ZNF653: variants seen among roughly 807,000 people sequenced by gnomAD.
ZNF653 encodes the protein 67 kDa zinc finger protein.
Under a neutral mutation model 59.9 loss-of-function variants are expected in ZNF653, and 37 were observed. That is an observed-to-expected ratio of 0.62 (90% CI 0.48 to 0.81). The LOEUF (loss-of-function observed/expected upper bound fraction) is 0.81. Ranked by LOEUF, ZNF653 falls within the 40% of genes least tolerant of loss-of-function variation. The pLI is 0.00. For synonymous variants in ZNF653, 435 were observed against 371.8 expected (o/e 1.17, Z -1.96); for missense variants, 808 against 881.1 (o/e 0.92, Z 1.05).
At chr19:11,496,978 T>C (rs1171948950) in intron 2 of ZNF653, among the ~76,000 whole-genome samples, 1 of 152,234 alleles carries the variant, frequency 6.6e-6, no homozygotes, top group Non-Finnish European at 1.5e-5. Flanking sequence ...CATGGCCTCC[T>C]CGCTGTTCCT....
Position 11,487,156 on chromosome 19 carries a change from T to G in ZNF653, c.1174A>C (p.Lys392Gln), listed in dbSNP as rs760111006. Residue 392 changes from lysine (K) to glutamine (Q), a missense_variant and splice_region_variant, in exon 5 of 9, where the codon AAG (lysine) becomes CAG (glutamine). Transcript: ENST00000293771. This position sits in a 1 kb window ranked among gnomAD's most constrained non-coding sequence, Gnocchi z 5.1. ...TTCTTTAGCAAGCACAGGTCCTCCT[T>G]CTCTACAGGGTGGACACAGGGTGGT... ...AVAGIETKKE[K>Q]EDLCLLKKEE... 5 of 1,610,882 alleles carry G rather than the reference T, an allele frequency of 3.1e-6. No individual in the cohort carries two copies. In the South Asian group the frequency reaches 5.5e-5, roughly 18 times the overall value.
chr19:11,485,224 G>A (rs118038330), intron 7 of ZNF653, among the ~76,000 whole-genome samples: 1,981 of 152,092 alleles, frequency 0.013, 22 homozygotes, highest in Non-Finnish European at 0.022. Context: ...GCCACAAGTG[G>A]AAACAGAAGC....
At chr19:11,492,726 C>T (rs923776412) in intron 3 of ZNF653, among the ~76,000 whole-genome samples, 14 of 152,156 alleles carry the variant, frequency 9.2e-5, no homozygotes, top group South Asian at 6.2e-4. Flanking sequence ...TGCGGGGTCC[C>T]GGTGCAGAGC....
In ZNF653 at chr19:11,505,776, C is replaced by A. The variant is rs866665171; in HGVS notation, c.11G>T (p.Arg4Leu). The A allele has an allele frequency of 4.0e-5, 56 of 1,408,916 alleles. 1 individual carries two copies. The Middle Eastern group carries it at 3.3e-3, about 84-fold the overall frequency. The allele number at this position is 1,408,916 out of a possible 1,614,324, so 87.3% of individuals were successfully genotyped here. A position where few individuals can be genotyped will look rare whatever the true frequency, so the allele number is the denominator to read the frequency against. ...CGCCTCCGCCTCGGGCTCTAGCGCC[C>A]GCTCCGCCATCCCCCCCACCCTGGT... MAE[R>L]ALEPEAEAEA... Residue 4 changes from arginine to leucine, a missense_variant, in exon 1 of 9, where the codon CGG (arginine) becomes CTG (leucine). By Grantham distance (102) the Arg-to-Leu change is moderately radical (BLOSUM62 -2). Coordinates refer to ENST00000293771, the MANE Select transcript of ZNF653 (RefSeq NM_138783.4).
chr19:11,483,903 G>C, intron 8 of ZNF653, 44 bp from the exon 9 acceptor site: 1 of 1,506,148 alleles, frequency 6.6e-7, no homozygotes, highest in Non-Finnish European at 8.9e-7. Flanking sequence ...CAGAGTGGGC[G>C]GGGCGGGGCG....
In ZNF653 at chr19:11,487,821, C is replaced by T. The variant is rs756221368; in HGVS notation, c.642G>A (p.Gln214=). 6.2e-7 allele frequency: 1 copy of T among 1,612,022 alleles called. No individual in the cohort carries two copies. Among genetic ancestry groups the T allele is most frequent in the East Asian group, 2.2e-5 (1 of 44,834 alleles). ...CTGCCGCTGCCGCAGCCTTGACCGG[C>T]TGGCCCTCAGGAGACTCCTCAGAGT... ...ASDSEESPEG[Q]PVKAAAAAAA... Residue 214 remains glutamine (Q), a synonymous_variant, in exon 4 of 9, where the codon CAG becomes CAA. Transcript: ENST00000293771. This position sits in a 1 kb window ranked among gnomAD's most constrained non-coding sequence, Gnocchi z 5.1.
chr19:11,496,400 C>T (rs1213476608), intron 2 of ZNF653, among the ~76,000 whole-genome samples: 1 of 152,172 alleles, frequency 6.6e-6, no homozygotes, highest in East Asian at 1.9e-4. Context: ...GAGCCTGGTG[C>T]ACAGTAGGTG....
intron 1 of ZNF653, chr19:11,504,560 C>T (rs1971686168): frequency 2.0e-6 from 2 of 985,272 alleles, no homozygotes; most frequent in Non-Finnish European, 1.2e-6. Context: ...AGCCTGCTGT[C>T]CTGGGAAAGG....
intron 2 of ZNF653, among the ~76,000 whole-genome samples, chr19:11,496,894 C>T (rs1971594319): frequency 6.6e-6 from 1 of 152,184 alleles, no homozygotes; most frequent in African/African-American, 2.4e-5. Context: ...GTCCTCCCTT[C>T]GGCCCACAAG....
rs113816429 is a variant in ZNF653 at position 11,495,871 on chromosome 19, T to C, written c.559+79A>G. 4.4e-3 allele frequency: 6,239 copies of C among 1,416,942 alleles called. 217 individuals are homozygous for C. The African/African-American group carries it at 0.077, about 18-fold the overall frequency. The allele number at this position is 1,416,942 out of a possible 1,614,324, so 87.8% of individuals were successfully genotyped here. On this transcript the variant is annotated intron_variant, in intron 3 of 8. Transcript: ENST00000293771. This position sits in a 1 kb window ranked among gnomAD's most constrained non-coding sequence, Gnocchi z 4.9. Reference sequence around the variant, plus strand: ...CAGAGCCACTGTGGCTGCTATTCTGTTTGTGATGCTAGCCTAGGGCTCGTA... The same window carrying C: ...CAGAGCCACTGTGGCTGCTATTCTGCTTGTGATGCTAGCCTAGGGCTCGTA...
intron 1 of ZNF653, 116 bp downstream of exon 1, chr19:11,505,372 C>G (rs1971703777): frequency 8.7e-7 from 1 of 1,150,130 alleles, no homozygotes; most frequent in Non-Finnish European, 1.1e-6. Flanking sequence ...GGCCCGGCTC[C>G]TGGGCGGGGT....
chr19:11,493,090 C>T (rs1239884647), intron 3 of ZNF653, among the ~76,000 whole-genome samples: 1 of 146,138 alleles, frequency 6.8e-6, no homozygotes, highest in Non-Finnish European at 1.5e-5. Flanking sequence ...CAGAGTCTTG[C>T]TCTGTTGCCC....
Position 11,505,534 on chromosome 19 carries a change from C to G in ZNF653, c.253G>C (p.Ala85Pro). Residue 85 changes from alanine (A) to proline (P), a missense_variant, in exon 1 of 9, where the codon GCC (alanine) becomes CCC (proline). Coordinates refer to ENST00000293771, the MANE Select transcript of ZNF653 (RefSeq NM_138783.4). ...RSGWSDAKLA[A>P]YLISLERGQR... ...CCGCGCTCCAGAGAGATGAGGTAGG[C>G]GGCGAGCTTGGCGTCGCTCCAGCCG... 6.6e-7 allele frequency: 1 copy of G among 1,515,474 alleles called. No individual in the cohort carries two copies. The highest frequency in any genetic ancestry group is 2.8e-5 in the East Asian group (1 of 35,566). The allele number at this position is 1,515,474 out of a possible 1,614,324, so 93.9% of individuals were successfully genotyped here. A position where few individuals can be genotyped will look rare whatever the true frequency, so the allele number is the denominator to read the frequency against.
chr19:11,483,699 C>T lies in ZNF653; in HGVS notation c.1831G>A (p.Asp611Asn). ...CAGGTGGGTCAGGTGGGCTTGTGAT[C>T]CGGGTGGCTTTTGAGCGTGTGGAAC... ...VKFHTLKSHPDHKPT is the reference protein window; with the variant it reads ...VKFHTLKSHPNHKPT The change falls in exon 9 of 9, where the codon GAT (aspartate) becomes AAT (asparagine). Residue 611 changes from aspartate (D) to asparagine (N), a missense_variant. Physicochemically the swap from Asp to Asn is conservative, Grantham distance 23. Coordinates refer to ENST00000293771, the MANE Select transcript of ZNF653 (RefSeq NM_138783.4). The T allele has an allele frequency of 1.2e-6, 2 of 1,613,130 alleles. No individual in the cohort carries two copies. Among genetic ancestry groups the T allele is most frequent in the Non-Finnish European group, 1.7e-6 (2 of 1,179,208 alleles).
Position 11,488,931 on chromosome 19 carries a change from G to A in ZNF653, c.560-1028C>T, listed in dbSNP as rs549233894. Among the ~76,000 whole-genome samples the A allele has an allele frequency of 2.7e-5, 4 of 149,832 alleles. No individual in the cohort carries two copies. In the East Asian group the frequency reaches 7.8e-4, roughly 29 times the overall value. ...TTTTTTTTTTTTGAGACAGAGTTTC[G>A]TTCTGTCACCCAGGCTGGAGTGCAA... is the stretch of plus-strand genomic sequence containing the variant. On this transcript the variant is annotated intron_variant, in intron 3 of 8. Coordinates refer to ENST00000293771, the MANE Select transcript of ZNF653 (RefSeq NM_138783.4).
In ZNF653 at chr19:11,485,881, G is replaced by A. The variant is rs540942326; in HGVS notation, c.1456-111C>T. The A allele has an allele frequency of 4.0e-5, 31 of 778,432 alleles. No homozygotes were observed. In the South Asian group the frequency reaches 4.6e-4, roughly 12 times the overall value. 48.2% of individuals were successfully genotyped at this position (778,432 alleles called of 1,614,324 possible). A position where few individuals can be genotyped will look rare whatever the true frequency, so the allele number is the denominator to read the frequency against. On this transcript the variant is annotated intron_variant, in intron 6 of 8. Transcript: ENST00000293771. ...CAGGCTGGGGCTGGCCTCCCCAGGA[G>A]GAGGGAAGAGGGGTACCCTTGCCCA...
rs746088569 is a variant in ZNF653, at chr19:11,485,819, C to T, written c.1456-49G>A. The T allele has an allele frequency of 6.1e-6, 9 of 1,473,080 alleles. No individual in the cohort carries two copies. The East Asian group carries it at 2.0e-4, about 33-fold the overall frequency. The allele number at this position is 1,473,080 out of a possible 1,614,324, so 91.3% of individuals were successfully genotyped here. ...GGGTCCCATAGGCCCACAGAAGGGGCTCTGGGAGGTGGGGAGAGATGAGGG... is the reference window on the plus strand; with the variant it reads ...GGGTCCCATAGGCCCACAGAAGGGGTTCTGGGAGGTGGGGAGAGATGAGGG... On this transcript the variant is annotated intron_variant, in intron 6 of 8. Transcript: ENST00000293771.
intron 3 of ZNF653, among the ~76,000 whole-genome samples, chr19:11,490,023 C>T (rs980834570): frequency 1.3e-5 from 2 of 152,220 alleles, no homozygotes; most frequent in Admixed American, 6.5e-5. Context: ...GGCGTCAAAT[C>T]CTCCAAGTTA....
At chr19:11,493,307 C>T (rs931115582) in intron 3 of ZNF653, among the ~76,000 whole-genome samples, 8 of 152,174 alleles carry the variant, frequency 5.3e-5, no homozygotes, top group African/African-American at 1.4e-4. Context: ...ATCCACCTGC[C>T]TCGGCCTCCC....
Sources: gnomAD v4.1 joint callset for allele counts (sites outside exome capture counted in the v4.1 genomes callset) on GRCh38, gnomAD v4.1.1 for gene constraint, Gnocchi (gnomAD v3.1) non-coding constraint, MANE v1.5 for transcripts, NCBI Gene and HGNC (gene_info 2026-07-23, HGNC 2026-07-21) for gene names.